STT3B: variants seen among roughly 807,000 people sequenced by gnomAD.
The protein encoded by STT3B is STT3 oligosaccharyltransferase complex catalytic subunit B, also known as dolichyl-diphosphooligosaccharide--protein glycosyltransferase subunit STT3B.
Under a neutral mutation model 96.8 loss-of-function variants are expected in STT3B, and 29 were observed. The observed-to-expected ratio is 0.30, with a 90% CI of 0.22 to 0.41. The LOEUF (loss-of-function observed/expected upper bound fraction) is 0.41. Ranked by LOEUF, STT3B falls within the 10% of genes least tolerant of loss-of-function variation. The pLI is 1.00. For synonymous variants in STT3B, 367 were observed against 360.0 expected (o/e 1.02, Z -0.22); for missense variants, 640 against 1,022.3 (o/e 0.63, Z 5.10).
At position 31,596,811 on chromosome 3, in the gene STT3B, A is replaced by T. The variant is rs1199148520; in HGVS notation, c.725A>T (p.Lys242Ile). Residue 242 changes from lysine to isoleucine, a missense_variant, in exon 4 of 16, where the codon AAA becomes ATA. Lys to Ile is a moderately radical substitution (Grantham distance 102). Transcript: ENST00000295770. ...FTYYLWVKSVKTGSVFWTMCC... is the reference protein window; with the variant it reads ...FTYYLWVKSVITGSVFWTMCC... ...TTTGTTTTTTAGGTAAAATCTGTAAAAACTGGGTCAGTTTTTTGGACAATG... is the reference window on the plus strand; with the variant it reads ...TTTGTTTTTTAGGTAAAATCTGTAATAACTGGGTCAGTTTTTTGGACAATG... 1 of 1,612,068 alleles carries T rather than the reference A, an allele frequency of 6.2e-7. No individual in the cohort carries two copies.
At chr3:31,600,542 T>G in intron 5 of STT3B, 83 bp downstream of exon 5, 2 of 638,356 alleles carry the variant, frequency 3.1e-6, no homozygotes, top group Middle Eastern at 3.4e-4. Flanking sequence ...TTCTATTTGG[T>G]CAATATTATG....
At chr3:31,614,883 A>G (rs1699270886) in intron 5 of STT3B, among the ~76,000 whole-genome samples, 1 of 151,940 alleles carries the variant, frequency 6.6e-6, no homozygotes, top group South Asian at 2.1e-4. Flanking sequence ...AACTGTTGTA[A>G]TGATCTGCAA....
intron 2 of STT3B, among the ~76,000 whole-genome samples, chr3:31,578,092 G>A (rs1287173710): frequency 6.6e-6 from 1 of 152,056 alleles, no homozygotes; most frequent in Non-Finnish European, 1.5e-5. Context: ...AACCCACATT[G>A]ACACATTTGA....
chr3:31,618,003 A>G lies in STT3B; in HGVS notation c.1172+15A>G, dbSNP rs60153256. The G allele has an allele frequency of 5.5e-4, 838 of 1,535,180 alleles. 3 individuals carry two copies. The African/African-American group carries it at 9.7e-3, about 18-fold the overall frequency. The stretch of plus-strand genomic sequence containing the variant: ...TGGGATACTGGGTAAGTACAGTTAC[A>G]TTATTTGGCATCATATTTATTGAAA... On this transcript the variant is annotated intron_variant, in intron 8 of 15. Transcript: ENST00000295770.
At chr3:31,561,295 T>C (rs1231496811) in intron 1 of STT3B, among the ~76,000 whole-genome samples, 2 of 152,112 alleles carry the variant, frequency 1.3e-5, no homozygotes, top group Non-Finnish European at 2.9e-5. Context: ...AAAAATTTTA[T>C]GGGTACATGA....
At chr3:31,547,302 A>C (rs1377073119) in intron 1 of STT3B, among the ~76,000 whole-genome samples, 1 of 152,180 alleles carries the variant, frequency 6.6e-6, no homozygotes, top group African/African-American at 2.4e-5. Context: ...TATTTTGCAA[A>C]ATTATAATAG....
Position 31,628,294 on chromosome 3 carries a change from A to G in STT3B, c.2074-1004A>G, listed in dbSNP as rs564788051. Among the ~76,000 whole-genome samples the G allele has an allele frequency of 5.9e-5, 9 of 152,262 alleles. No homozygotes were observed. In the South Asian group the frequency reaches 1.9e-3, roughly 32 times the overall value. On this transcript the variant is annotated intron_variant, in intron 13 of 15. Coordinates refer to ENST00000295770, the MANE Select transcript of STT3B (RefSeq NM_178862.3). Reference sequence around the variant, plus strand: ...TGTGATTCTTAACTTCTAGCAAGTTATATACCCTGTTCACTTCATAATATG... The same window carrying G: ...TGTGATTCTTAACTTCTAGCAAGTTGTATACCCTGTTCACTTCATAATATG...
At chr3:31,569,073 G>T (rs114757921) in intron 1 of STT3B, among the ~76,000 whole-genome samples, 1 of 152,064 alleles carries the variant, frequency 6.6e-6, no homozygotes, top group Non-Finnish European at 1.5e-5. Context: ...ACAGTGGTGC[G>T]ATTATAGCTC....
intron 1 of STT3B, among the ~76,000 whole-genome samples, chr3:31,574,259 G>T (rs1470572076): frequency 1.3e-5 from 2 of 152,022 alleles, no homozygotes; most frequent in Non-Finnish European, 2.9e-5. Flanking sequence ...TTTAACTGTT[G>T]TTTATGAGCT....
intron 14 of STT3B, among the ~76,000 whole-genome samples, chr3:31,630,722 A>T (rs1699636834): frequency 1.3e-5 from 2 of 152,190 alleles, no homozygotes; most frequent in South Asian, 4.1e-4. Context: ...GGGGATCAAG[A>T]TAACTATCAA....
At chr3:31,602,755 A>G (rs1452468361) in intron 5 of STT3B, among the ~76,000 whole-genome samples, 1 of 151,696 alleles carries the variant, frequency 6.6e-6, no homozygotes, top group Non-Finnish European at 1.5e-5. Flanking sequence ...AGAAAGAATA[A>G]TAAAATGGGT....
chr3:31,561,515 T>A (rs1697877939), intron 1 of STT3B, among the ~76,000 whole-genome samples: 1 of 152,160 alleles, frequency 6.6e-6, no homozygotes, highest in Non-Finnish European at 1.5e-5. Flanking sequence ...GTCTTATTCA[T>A]TCGTGCTGGA....
chr3:31,577,934 TAA>T (rs571190824), intron 2 of STT3B, among the ~76,000 whole-genome samples: 99 of 152,260 alleles, frequency 6.5e-4, no homozygotes, highest in African/African-American at 2.2e-3. Context: ...CTGTTTTCTC[TAA>T]GAGTCCTGAT....
rs191904195 is a variant in STT3B, at chr3:31,537,770, A to G, written c.314+4458A>G. ...ATAATCTCTGACCCAGTTGTTAATG[A>G]ATATGGGCTAACTTAACTAGCCCTT... On this transcript the variant is annotated intron_variant, in intron 1 of 15. Transcript: ENST00000295770. 2.2e-4 allele frequency among the ~76,000 whole-genome samples: 34 copies of G among 152,330 alleles called. No homozygotes were observed. In the East Asian group the frequency reaches 6.2e-3, roughly 28 times the overall value.
At chr3:31,551,208 T>C (rs1697549430) in intron 1 of STT3B, among the ~76,000 whole-genome samples, 1 of 151,802 alleles carries the variant, frequency 6.6e-6, no homozygotes, top group Non-Finnish European at 1.5e-5. Context: ...GTTTTTTGTT[T>C]GTTTGTTTGT....
intron 3 of STT3B, among the ~76,000 whole-genome samples, chr3:31,580,813 A>G (rs940982152): frequency 3.3e-5 from 5 of 152,120 alleles, no homozygotes; most frequent in African/African-American, 1.2e-4. Context: ...TCTTGAGTTT[A>G]AAAGAGAAGA....
chr3:31,556,754 C>G (rs115962717), intron 1 of STT3B, among the ~76,000 whole-genome samples: 1 of 151,962 alleles, frequency 6.6e-6, no homozygotes, highest in African/African-American at 2.4e-5. Flanking sequence ...TGATGATTTA[C>G]TGTTGTGTGA....
intron 2 of STT3B, among the ~76,000 whole-genome samples, chr3:31,578,825 AAAT>A (rs145508721): frequency 0.053 from 8,047 of 152,162 alleles, 723 homozygotes; most frequent in African/African-American, 0.18. Flanking sequence ...AATAGAAAGT[AAAT>A]AAATAAAATA....
chr3:31,627,639 C>T (rs1699564767), intron 13 of STT3B, among the ~76,000 whole-genome samples: 1 of 152,174 alleles, frequency 6.6e-6, no homozygotes, highest in Non-Finnish European at 1.5e-5. Context: ...TGAAGTAAAG[C>T]CTCAGATTTC....
Sources: allele counts gnomAD v4.1 joint callset (sites outside exome capture counted in the v4.1 genomes callset), GRCh38; gene constraint gnomAD v4.1.1; transcripts MANE v1.5; gene names NCBI Gene and HGNC (gene_info 2026-07-23, HGNC 2026-07-21).